DPP10: variants seen among roughly 807,000 people sequenced by gnomAD.
The protein encoded by DPP10 is inactive dipeptidyl peptidase 10.
DPP10 carries 33 observed loss-of-function variants against 120.9 expected under a neutral mutation model. The observed-to-expected ratio is 0.27, with a 90% confidence interval of 0.21 to 0.37. The LOEUF (loss-of-function observed/expected upper bound fraction) is 0.37, where lower values mean the gene tolerates loss of function less well. Among genes scored for constraint, DPP10 ranks in the 10% least tolerant of loss-of-function variants. The probability of loss-of-function intolerance (pLI) is 1.00; values close to 1 mark genes in which losing one functional copy is unlikely to be tolerated. For synonymous variants in DPP10, 337 were observed against 326.1 expected, an observed-to-expected ratio of 1.03 and a Z score of -0.36; for missense variants, 816 against 942.8, an observed-to-expected ratio of 0.87 and a Z score of 1.76.
chr2:115,108,774 G>A (rs968217653), intron 1 of DPP10, among the ~76,000 whole-genome samples: 8 of 152,284 alleles, frequency 5.3e-5, no homozygotes, highest in African/African-American at 9.6e-5. Flanking sequence ...CCTTGAGATT[G>A]TAACTAATGT....
intron 1 of DPP10, among the ~76,000 whole-genome samples, chr2:114,456,284 T>C (rs1669826617): frequency 6.6e-6 from 1 of 152,140 alleles, no homozygotes; most frequent in African/African-American, 2.4e-5. Flanking sequence ...TTTCAAAGGA[T>C]AGCTTAGGGT....
chr2:115,121,119 C>T (rs770060757), intron 1 of DPP10, among the ~76,000 whole-genome samples: 1 of 152,174 alleles, frequency 6.6e-6, no homozygotes, highest in African/African-American at 2.4e-5. Context: ...ATTTAGGTAA[C>T]TTTCCCAGGA....
intron 19 of DPP10, among the ~76,000 whole-genome samples, chr2:115,798,628 A>G (rs989770527): frequency 4.6e-5 from 7 of 152,274 alleles, no homozygotes; most frequent in Admixed American, 4.6e-4. Flanking sequence ...AGCAACAAGT[A>G]ATGTGCAAAG....
intron 3 of DPP10, among the ~76,000 whole-genome samples, chr2:115,442,059 G>A (rs1331219158): frequency 1.3e-5 from 2 of 151,238 alleles, no homozygotes; most frequent in East Asian, 3.9e-4. Context: ...TGATCTGCCC[G>A]CCTCGGCCTC....
intron 21 of DPP10, among the ~76,000 whole-genome samples, chr2:115,826,521 G>T (rs1688335403): frequency 6.6e-6 from 1 of 152,066 alleles, no homozygotes; most frequent in Non-Finnish European, 1.5e-5. Flanking sequence ...AGGAGTTCGA[G>T]ACCAGCCTGG....
chr2:114,898,264 T>A (rs975467561), intron 1 of DPP10, among the ~76,000 whole-genome samples: 1 of 150,052 alleles, frequency 6.7e-6, no homozygotes, highest in Non-Finnish European at 1.5e-5. Context: ...AACCAAACAC[T>A]GCATATTCTC....
intron 1 of DPP10, among the ~76,000 whole-genome samples, chr2:115,230,592 C>G (rs985695492): frequency 2.0e-5 from 3 of 151,712 alleles, no homozygotes; most frequent in Non-Finnish European, 4.4e-5. Flanking sequence ...AATTGAAGAG[C>G]TTTTTATTTA....
chr2:115,649,229 A>G (rs984117858), intron 5 of DPP10, among the ~76,000 whole-genome samples: 2 of 152,222 alleles, frequency 1.3e-5, no homozygotes, highest in Middle Eastern at 3.4e-3. Flanking sequence ...CAAATGTTCT[A>G]TGTGAGAGGA....
chr2:115,322,771 C>T (rs1185833795), intron 2 of DPP10, among the ~76,000 whole-genome samples: 2 of 151,804 alleles, frequency 1.3e-5, no homozygotes, highest in East Asian at 3.9e-4. Context: ...TTTTGGTTTC[C>T]CACTGCATGT....
At chr2:114,662,534 C>T (rs1012165522) in intron 1 of DPP10, among the ~76,000 whole-genome samples, 11 of 152,102 alleles carry the variant, frequency 7.2e-5, no homozygotes, top group African/African-American at 2.7e-4. Context: ...AGACAACGTC[C>T]AGAGACCCAG....
intron 9 of DPP10, among the ~76,000 whole-genome samples, chr2:115,740,819 T>A (rs1677167178): frequency 6.6e-6 from 1 of 152,160 alleles, no homozygotes; most frequent in South Asian, 2.1e-4. Flanking sequence ...GCCCCCAGTA[T>A]ATTAATCATG....
At chr2:114,589,533 C>T (rs1691283577) in intron 1 of DPP10, among the ~76,000 whole-genome samples, 1 of 152,278 alleles carries the variant, frequency 6.6e-6, no homozygotes, top group African/African-American at 2.4e-5. Flanking sequence ...CAAGAATACA[C>T]ATTAGTGGAT....
chr2:115,568,144 C>T (rs1459779363), intron 5 of DPP10, among the ~76,000 whole-genome samples: 2 of 149,176 alleles, frequency 1.3e-5, no homozygotes, highest in African/African-American at 2.5e-5. Flanking sequence ...CACCACTGCA[C>T]TCCAGCCTGG....
chr2:115,491,273 G>A (rs2076104749), intron 3 of DPP10, among the ~76,000 whole-genome samples: 1 of 152,164 alleles, frequency 6.6e-6, no homozygotes, highest in South Asian at 2.1e-4. Context: ...TGCAGTCAAT[G>A]CATGGAAAAC....
intron 3 of DPP10, among the ~76,000 whole-genome samples, chr2:115,446,237 A>C (rs527832621): frequency 2.0e-5 from 3 of 152,332 alleles, no homozygotes; most frequent in Admixed American, 2.0e-4. Context: ...CATGTATGAA[A>C]ATACCTGGAT....
rs138560615 is a variant in DPP10 at position 114,932,005 on chromosome 2, G to A, written c.61-377234G>A. ...AATCTGACAACCTTAGAGTTCATCA[G>A]GATAGGCTAGTTTAAGCCAAAGTAA... On this transcript the variant is annotated intron_variant, in intron 1 of 25. Transcript: ENST00000410059. Among the ~76,000 whole-genome samples, 485 of 152,294 alleles carry A rather than the reference G, an allele frequency of 3.2e-3. 1 individual carries two copies. The highest frequency in any genetic ancestry group is 0.011 in the African/African-American group (474 of 41,562).
chr2:114,485,898 A>G (rs1362273141), intron 1 of DPP10, among the ~76,000 whole-genome samples: 1 of 152,088 alleles, frequency 6.6e-6, no homozygotes, highest in Non-Finnish European at 1.5e-5. Context: ...CTGAGATGAA[A>G]ATATTTAAGT....
chr2:114,453,731 G>T (rs964650321), intron 1 of DPP10, among the ~76,000 whole-genome samples: 1 of 152,044 alleles, frequency 6.6e-6, no homozygotes, highest in African/African-American at 2.4e-5. Context: ...CCCCTCCAAA[G>T]AAATACCTTG....
rs937855925 is a variant in DPP10, at chr2:115,378,441, G to C, written c.271+34529G>C. On this transcript the variant is annotated intron_variant, in intron 3 of 25. Transcript: ENST00000410059. ...TTTGCTAAGTTGCTTATCAGCTTAA[G>C]GAGATTTTGGGCTGAGACAATGGGG... Among the ~76,000 whole-genome samples, 17 of 151,782 alleles carry C rather than the reference G, an allele frequency of 1.1e-4. No individual in the cohort carries two copies. The Middle Eastern group carries it at 0.014, about 122-fold the overall frequency.
Sources: gnomAD v4.1 joint callset for allele counts (sites outside exome capture counted in the v4.1 genomes callset) on GRCh38, gnomAD v4.1.1 for gene constraint, MANE v1.5 for transcripts, NCBI Gene and HGNC (gene_info 2026-07-23, HGNC 2026-07-21) for gene names.